Variants in DLG4 observed in about 807,000 individuals in gnomAD.
DLG4 encodes the protein discs large MAGUK scaffold protein 4, also known as disks large homolog 4.
Under a neutral mutation model 93.8 loss-of-function variants are expected in DLG4, and 7 were observed. The observed-to-expected ratio is 0.07, with a 90% CI of 0.04 to 0.14. DLG4 has a LOEUF of 0.14. Among genes scored for constraint, DLG4 ranks in the 10% least tolerant of loss-of-function variants. The pLI is 1.00. For synonymous variants in DLG4, 341 were observed against 387.6 expected, an observed-to-expected ratio of 0.88 and a Z score of 1.41; for missense variants, 545 against 992.9, an observed-to-expected ratio of 0.55 and a Z score of 6.06.
chr17:7,207,968 G>T, intron 2 of DLG4: 1 of 787,346 alleles, frequency 1.3e-6, no homozygotes, highest in Non-Finnish European at 1.6e-6. Context: ...CCCAGTCCCA[G>T]CATCCCCCTC....
At position 7,194,270 on chromosome 17, in the gene DLG4, G is replaced by A. The variant is rs377189511; in HGVS notation, c.1478+49C>T. 2,067 of 1,567,160 alleles carry A rather than the reference G, an allele frequency of 1.3e-3. 2 individuals are homozygous for A. The highest frequency in any genetic ancestry group is 2.3e-3 in the Admixed American group (121 of 53,280). ...TGGCTGCCCACCCCGGGGGACCTTG[G>A]GAACTTCAGTGCCTGTGGCAGGAAG... On this transcript the variant is annotated intron_variant, in intron 12 of 19. Transcript: ENST00000399506. The surrounding 1 kb of genome is among the most constrained non-coding windows in gnomAD (Gnocchi z 4.4).
At chr17:7,219,906 A>T (rs1157882512), upstream of DLG4, 3 of 877,370 alleles carry the variant, frequency 3.4e-6, no homozygotes, top group African/African-American at 1.8e-5. Context: ...AGTCAGGGTT[A>T]GGGGCGCCAG....
Position 7,195,006 on chromosome 17 carries a change from G to A in DLG4, c.1302-511C>T, listed in dbSNP as rs553928369. Among the ~76,000 whole-genome samples the A allele has an allele frequency of 2.8e-5, 4 of 144,904 alleles. No individual in the cohort carries two copies. The highest frequency in any genetic ancestry group is 4.5e-5 in the Non-Finnish European group (3 of 66,814). ...TGCACTCCAGCCTGGGCAACGGAGC[G>A]AGACACCGTCTCAAAAAAAAAAAAA... On this transcript the variant is annotated intron_variant, in intron 11 of 19. Transcript: ENST00000399506. This position sits in a 1 kb window ranked among gnomAD's most constrained non-coding sequence, Gnocchi z 4.3.
At chr17:7,218,593 C>G, upstream of DLG4, 1 of 1,566,704 alleles carries the variant, frequency 6.4e-7, no homozygotes. Context: ...GTGGGGGTGC[C>G]CACCGCAGCA....
chr17:7,200,084 CAT>C (rs1478797100), intron 8 of DLG4, among the ~76,000 whole-genome samples: 3 of 152,106 alleles, frequency 2.0e-5, no homozygotes, highest in African/African-American at 4.8e-5. Flanking sequence ...AATAGTACCA[CAT>C]GATTTTAATA....
chr17:7,219,801 G>C, upstream of DLG4: 4 of 1,524,334 alleles, frequency 2.6e-6, no homozygotes, highest in Non-Finnish European at 3.5e-6. Flanking sequence ...ATCCCTCTAA[G>C]TCAGCGGAAC....
chr17:7,190,680 G>GCGAGT lies in DLG4; in HGVS notation c.*23_*27dup. 6.3e-7 allele frequency: 1 copy of GCGAGT among 1,583,176 alleles called. No individual in the cohort carries two copies. Among genetic ancestry groups the GCGAGT allele is most frequent in the South Asian group, 1.1e-5 (1 of 90,462 alleles). On this transcript the variant is annotated 3_prime_UTR_variant, in exon 20 of 20. Coordinates refer to ENST00000399506, the MANE Select transcript of DLG4 (RefSeq NM_001321075.3). ...CAAGGGCCCAGGTGATGGAGGCAGG[G>GCGAGT]CGAGTCCAGGCCAAGCCAGGGCAGG...
chr17:7,191,463 GC>G lies in DLG4; in HGVS notation c.1977-106del. On this transcript the variant is annotated intron_variant, in intron 18 of 19. Coordinates refer to ENST00000399506, the MANE Select transcript of DLG4 (RefSeq NM_001321075.3). This position sits in a 1 kb window ranked among gnomAD's most constrained non-coding sequence, Gnocchi z 6.6. ...AGTATTCTTCTATTTGGAGCACATA[GC>G]AAAAAAAAAAATACAATTCCCAATA... 1.1e-6 allele frequency: 1 copy of G among 880,260 alleles called. No homozygotes were observed. The highest frequency in any genetic ancestry group is 2.6e-5 in the East Asian group (1 of 37,762). 54.5% of individuals were successfully genotyped at this position (880,260 alleles called of 1,614,324 possible). A position where few individuals can be genotyped will look rare whatever the true frequency, so the allele number is the denominator to read the frequency against.
At position 7,203,959 on chromosome 17, in the gene DLG4, A is replaced by C. The variant is rs2070307679; in HGVS notation, c.210+49T>G. The C allele has an allele frequency of 6.2e-7, 1 of 1,600,330 alleles. No individual in the cohort carries two copies. Among genetic ancestry groups the C allele is most frequent in the African/African-American group, 1.3e-5 (1 of 74,546 alleles). On this transcript the variant is annotated intron_variant, in intron 4 of 19. Transcript: ENST00000399506. This position sits in a 1 kb window ranked among gnomAD's most constrained non-coding sequence, Gnocchi z 7.2. ...CACCCAGACCACATGGCAGAAAGAA[A>C]GGTACAGACGGGAGGCCACGGGGAC...
chr17:7,205,600 A>G (rs1004165207), intron 2 of DLG4, among the ~76,000 whole-genome samples: 3 of 152,010 alleles, frequency 2.0e-5, no homozygotes, highest in Non-Finnish European at 4.4e-5. Flanking sequence ...TCACACCCAT[A>G]AATCTATTAA....
upstream of DLG4, chr17:7,218,749 A>T: frequency 6.3e-7 from 1 of 1,588,278 alleles, no homozygotes; most frequent in African/African-American, 1.3e-5. Flanking sequence ...CCCTACGGAA[A>T]GATTTGGGGA....
In DLG4 at chr17:7,191,002, C is replaced by CTTTTTTTTTTTT. The variant is rs2069465498; in HGVS notation, c.2069-189_2069-188insAAAAAAAAAAAA. Among the ~76,000 whole-genome samples, 1 of 94,170 alleles carries CTTTTTTTTTTTT rather than the reference C, an allele frequency of 1.1e-5. No individual in the cohort carries two copies. Among genetic ancestry groups the CTTTTTTTTTTTT allele is most frequent in the African/African-American group, 4.7e-5 (1 of 21,164 alleles). 61.8% of individuals were successfully genotyped at this position (94,170 alleles called of 152,430 possible). A position where few individuals can be genotyped will look rare whatever the true frequency, so the allele number is the denominator to read the frequency against. Reference sequence around the variant, plus strand: ...TTTTTTTTTTTGAGATTGAGTTTTGCTCTTAGCGCCAGGCTGGAGTGCAGT... The same window carrying CTTTTTTTTTTTT: ...TTTTTTTTTTTGAGATTGAGTTTTGCTTTTTTTTTTTTTCTTAGCGCCAGGCTGGAGTGCAGT... On this transcript the variant is annotated intron_variant, in intron 19 of 19. Coordinates refer to ENST00000399506, the MANE Select transcript of DLG4 (RefSeq NM_001321075.3). This position sits in a 1 kb window ranked among gnomAD's most constrained non-coding sequence, Gnocchi z 6.6.
At chr17:7,205,963 C>A (rs918198796) in intron 2 of DLG4, among the ~76,000 whole-genome samples, 1 of 151,766 alleles carries the variant, frequency 6.6e-6, no homozygotes, top group Middle Eastern at 3.2e-3. Flanking sequence ...CCCACATGCT[C>A]CATCTCCATC....
At position 7,196,150 on chromosome 17, in the gene DLG4, G is replaced by A; in HGVS notation, c.1301+70C>T. On this transcript the variant is annotated intron_variant, in intron 11 of 19. Coordinates refer to ENST00000399506, the MANE Select transcript of DLG4 (RefSeq NM_001321075.3). The surrounding 1 kb of genome is among the most constrained non-coding windows in gnomAD (Gnocchi z 8.3). ...CAGGGTGGAGAAGAGGAGCGGCTGA[G>A]GCCCGGGCCAGGCACAGAGTGCCCA... 8.2e-7 allele frequency: 1 copy of A among 1,222,050 alleles called. No individual in the cohort carries two copies. The allele number at this position is 1,222,050 out of a possible 1,614,324, so 75.7% of individuals were successfully genotyped here.
chr17:7,219,541 T>A, upstream of DLG4: 1 of 1,082,076 alleles, frequency 9.2e-7, no homozygotes, highest in Non-Finnish European at 1.1e-6. Flanking sequence ...ATAGATTTCA[T>A]CAGGAACCCT....
At chr17:7,211,014 A>G (rs1182501927) in intron 1 of DLG4, among the ~76,000 whole-genome samples, 1 of 151,354 alleles carries the variant, frequency 6.6e-6, no homozygotes, top group African/African-American at 2.4e-5. Flanking sequence ...AATGGGGAAC[A>G]AGAAATGGGT....
chr17:7,219,728 G>A, upstream of DLG4: 1 of 1,430,528 alleles, frequency 7.0e-7, no homozygotes, highest in African/African-American at 1.4e-5. Flanking sequence ...CCCGTCGGAG[G>A]ACTAGACTCT....
In DLG4 at chr17:7,188,893, C is replaced by G. The variant is rs776514330; in HGVS notation, c.*1815G>C. ...GTGGGAGGCCAAGCTGGGCGGATCA[C>G]CTGAGGTCAGGAGTTCGAGACCAGC... On this transcript the variant is annotated 3_prime_UTR_variant, in exon 20 of 20. Transcript: ENST00000399506. 2.0e-5 allele frequency among the ~76,000 whole-genome samples: 3 copies of G among 152,064 alleles called. No homozygotes were observed. The highest frequency in any genetic ancestry group is 4.4e-5 in the Non-Finnish European group (3 of 68,004).
upstream of DLG4, chr17:7,219,779 G>A (rs1424717039): frequency 7.6e-5 from 113 of 1,494,128 alleles, no homozygotes; most frequent in Middle Eastern, 1.9e-3. Flanking sequence ...GGGAGACGAG[G>A]GACGCTTGGA....
Sources: gnomAD v4.1 joint callset for allele counts (sites outside exome capture counted in the v4.1 genomes callset) on GRCh38, gnomAD v4.1.1 for gene constraint, Gnocchi (gnomAD v3.1) non-coding constraint, MANE v1.5 for transcripts, NCBI Gene and HGNC (gene_info 2026-07-23, HGNC 2026-07-21) for gene names.